The following GRID2 variants were observed in gnomAD, a reference collection of about 807,000 sequenced individuals.
GRID2 encodes glutamate receptor ionotropic, delta-2.
A neutral mutation model predicts 114.8 loss-of-function variants in GRID2; 33 were observed. That is an observed-to-expected ratio of 0.29 (90% confidence interval 0.22 to 0.38). GRID2 has a LOEUF of 0.38. GRID2 is among the 10% of genes least tolerant of loss of function. The probability of loss-of-function intolerance (pLI) is 1.00; values close to 1 mark genes in which losing one functional copy is unlikely to be tolerated. For missense variants in GRID2, 1,184 were observed against 1,257.7 expected, an observed-to-expected ratio of 0.94 and a Z score of 0.89; for synonymous variants, 505 against 449.9, an observed-to-expected ratio of 1.12 and a Z score of -1.55.
intron 2 of GRID2, among the ~76,000 whole-genome samples, chr4:92,670,994 T>A (rs1407680766): frequency 6.6e-6 from 1 of 152,078 alleles, no homozygotes; most frequent in East Asian, 1.9e-4. Context: ...ATATCAAATA[T>A]AAAAAATGCA....
intron 1 of GRID2, among the ~76,000 whole-genome samples, chr4:92,318,869 G>A (rs958762720): frequency 2.0e-5 from 3 of 151,970 alleles, no homozygotes; most frequent in South Asian, 2.1e-4. Context: ...GTTGCCTTTC[G>A]CTACCATTTA....
At chr4:92,410,075 A>G (rs1040063375) in intron 1 of GRID2, among the ~76,000 whole-genome samples, 3 of 152,178 alleles carry the variant, frequency 2.0e-5, no homozygotes, top group East Asian at 3.9e-4. Flanking sequence ...TCTTCAGCCT[A>G]TTTCAAGGCT....
intron 14 of GRID2, among the ~76,000 whole-genome samples, chr4:93,671,963 A>C (rs1431135794): frequency 6.6e-6 from 1 of 152,146 alleles, no homozygotes; most frequent in Non-Finnish European, 1.5e-5. Flanking sequence ...TGACAGAGCA[A>C]GACTCTGTCT....
chr4:92,737,953 C>T (rs1201588806), intron 2 of GRID2, among the ~76,000 whole-genome samples: 1 of 152,138 alleles, frequency 6.6e-6, no homozygotes, highest in African/African-American at 2.4e-5. Flanking sequence ...ATTGTTTCCT[C>T]TCTAATCTCT....
At chr4:92,709,037 A>C (rs893782643) in intron 2 of GRID2, among the ~76,000 whole-genome samples, 21 of 152,180 alleles carry the variant, frequency 1.4e-4, no homozygotes. Flanking sequence ...GAGTTGGTGG[A>C]TCAGCAAAAT....
intron 2 of GRID2, among the ~76,000 whole-genome samples, chr4:92,719,367 G>C (rs907018070): frequency 6.6e-6 from 1 of 152,006 alleles, no homozygotes; most frequent in African/African-American, 2.4e-5. Context: ...TTTATAGAAA[G>C]CATATTTGTC....
intron 14 of GRID2, among the ~76,000 whole-genome samples, chr4:93,683,327 T>C (rs1725769180): frequency 6.6e-6 from 1 of 152,086 alleles, no homozygotes; most frequent in Admixed American, 6.6e-5. Flanking sequence ...TATCTTTAAA[T>C]ACAACATAGC....
intron 2 of GRID2, among the ~76,000 whole-genome samples, chr4:92,707,705 G>A (rs1055223850): frequency 5.3e-5 from 8 of 152,234 alleles, no homozygotes; most frequent in South Asian, 4.2e-4. Flanking sequence ...AATATTGTGC[G>A]AAAATAACAT....
At chr4:92,357,492 G>C (rs1413823196) in intron 1 of GRID2, among the ~76,000 whole-genome samples, 12 of 151,720 alleles carry the variant, frequency 7.9e-5, no homozygotes, top group Admixed American at 7.9e-4. Context: ...CTGTTGGTAA[G>C]GAAAAGGATA....
chr4:93,662,499 G>T (rs1347432), intron 14 of GRID2, among the ~76,000 whole-genome samples: 86,189 of 151,954 alleles, frequency 0.57, 25,965 homozygotes, highest in African/African-American at 0.78. Flanking sequence ...GCTCTATCTT[G>T]ATCTGCTTCT....
chr4:92,346,906 A>G (rs937199673), intron 1 of GRID2, among the ~76,000 whole-genome samples: 2 of 152,192 alleles, frequency 1.3e-5, no homozygotes, highest in East Asian at 3.8e-4. Flanking sequence ...ATTTATGCAT[A>G]TATCTATCTC....
intron 4 of GRID2, among the ~76,000 whole-genome samples, chr4:93,205,274 TAA>T (rs2149466522): frequency 6.6e-6 from 1 of 152,254 alleles, no homozygotes; most frequent in African/African-American, 2.4e-5. Context: ...TTTTAATTAT[TAA>T]GTTTCACCTA....
intron 2 of GRID2, among the ~76,000 whole-genome samples, chr4:93,053,581 G>A (rs1050380475): frequency 4.0e-5 from 6 of 151,878 alleles, no homozygotes; most frequent in Non-Finnish European, 7.4e-5. Flanking sequence ...GCACTGGCAT[G>A]CATTTTAAAG....
chr4:92,837,503 A>G (rs1035850465), intron 2 of GRID2, among the ~76,000 whole-genome samples: 2 of 151,372 alleles, frequency 1.3e-5, no homozygotes, highest in South Asian at 2.1e-4. Flanking sequence ...GGCCATGTAC[A>G]TTTTTACTCA....
At chr4:93,247,490 G>A (rs1374311064) in intron 8 of GRID2, among the ~76,000 whole-genome samples, 1 of 152,054 alleles carries the variant, frequency 6.6e-6, no homozygotes, top group East Asian at 1.9e-4. Flanking sequence ...TCAGACATGG[G>A]CACTCCTGGT....
chr4:92,376,555 A>G (rs1035439076), intron 1 of GRID2, among the ~76,000 whole-genome samples: 2 of 152,072 alleles, frequency 1.3e-5, no homozygotes, highest in African/African-American at 2.4e-5. Flanking sequence ...CTCTTCTCAC[A>G]GCTCCACTAG....
At chr4:93,762,103 T>C (rs1733261600) in intron 14 of GRID2, among the ~76,000 whole-genome samples, 1 of 152,186 alleles carries the variant, frequency 6.6e-6, no homozygotes, top group African/African-American at 2.4e-5. Context: ...CATGCTATTA[T>C]TAATACTTTC....
chr4:92,622,463 G>C (rs1372026892), intron 2 of GRID2, among the ~76,000 whole-genome samples: 1 of 151,554 alleles, frequency 6.6e-6, no homozygotes, highest in Non-Finnish European at 1.5e-5. Flanking sequence ...TAAGAGATTT[G>C]GTAATATTTC....
chr4:92,482,496 G>T (rs545385113), intron 1 of GRID2, among the ~76,000 whole-genome samples: 38 of 152,178 alleles, frequency 2.5e-4, no homozygotes, highest in Non-Finnish European at 4.4e-4. Context: ...TTCTATTCTT[G>T]CACCTTCTCC....
Sources: allele counts gnomAD v4.1 joint callset (sites outside exome capture counted in the v4.1 genomes callset), GRCh38; gene constraint gnomAD v4.1.1; transcripts MANE v1.5; gene names NCBI Gene and HGNC (gene_info 2026-07-23, HGNC 2026-07-21).